Variants in APLP2 observed in about 807,000 individuals in gnomAD.
The protein encoded by APLP2 is CDEI box-binding protein.
Under a neutral mutation model 89.9 loss-of-function variants are expected in APLP2, and 53 were observed. That is an observed-to-expected ratio of 0.59 (90% CI 0.47 to 0.74). The LOEUF (loss-of-function observed/expected upper bound fraction) is 0.74. APLP2 is among the 30% of genes least tolerant of loss of function. The pLI is 0.00. For synonymous variants in APLP2, 372 were observed against 348.6 expected, an observed-to-expected ratio of 1.07 and a Z score of -0.75; for missense variants, 973 against 975.9, an observed-to-expected ratio of 1.00 and a Z score of 0.04.
chr11:130,080,390 A>T (rs1280882885), intron 1 of APLP2, among the ~76,000 whole-genome samples: 1 of 151,828 alleles, frequency 6.6e-6, no homozygotes, highest in Admixed American at 6.6e-5. Context: ...TTTTTAGTTG[A>T]GATGGGGTTT....
intron 1 of APLP2, among the ~76,000 whole-genome samples, chr11:130,073,827 A>G (rs80174337): frequency 0.11 from 17,063 of 152,278 alleles, 1,240 homozygotes; most frequent in East Asian, 0.25. Flanking sequence ...GCGAGACTCC[A>G]TCTCAAGAAA....
chr11:130,135,593 T>C lies in APLP2; in HGVS notation c.1715T>C (p.Met572Thr), dbSNP rs201180921. The C allele has an allele frequency of 1.1e-5, 18 of 1,614,174 alleles. No individual in the cohort carries two copies. Among genetic ancestry groups the C allele is most frequent in the East Asian group, 2.2e-5 (1 of 44,876 alleles). The part of the protein sequence containing the change: ...DELLQEQRAD[M>T]DQFTASISET... ...CTCCTTCAGGAGCAGCGTGCAGATA[T>C]GGACCAGTTCACTGCCTCAATCTCA... Residue 572 changes from methionine (M) to threonine (T), a missense_variant, in exon 13 of 17, where the codon ATG (methionine) becomes ACG (threonine). Transcript: ENST00000338167.
intron 1 of APLP2, among the ~76,000 whole-genome samples, chr11:130,081,099 A>C (rs1288892148): frequency 1.3e-5 from 2 of 152,214 alleles, no homozygotes; most frequent in African/African-American, 4.8e-5. Flanking sequence ...CAAAACAAAA[A>C]ACAAACCCCC....
At chr11:130,078,964 T>G (rs1942628445) in intron 1 of APLP2, among the ~76,000 whole-genome samples, 1 of 152,178 alleles carries the variant, frequency 6.6e-6, no homozygotes, top group South Asian at 2.1e-4. Flanking sequence ...TTGCCACATT[T>G]TACCAAAACA....
In APLP2 at chr11:130,142,011, C is replaced by T. The variant is rs762958267; in HGVS notation, c.2091C>T (p.Ile697=). The T allele has an allele frequency of 1.5e-5, 24 of 1,613,858 alleles. No individual in the cohort carries two copies. The highest frequency in any genetic ancestry group is 3.3e-5 in the Admixed American group (2 of 60,000). ...LVIAVAIATV[I]VISLVMLRKR... ...TCGCAGTGGCCATTGCCACGGTCATCGTCATCAGCCTGGTGATGCTGAGGA... is the reference window on the plus strand; with the variant it reads ...TCGCAGTGGCCATTGCCACGGTCATTGTCATCAGCCTGGTGATGCTGAGGA... The change falls in exon 16 of 17, where the codon ATC becomes ATT. Residue 697 remains isoleucine (I), a synonymous_variant. Transcript: ENST00000338167.
At chr11:130,130,666 A>G (rs1187486777) in intron 11 of APLP2, among the ~76,000 whole-genome samples, 4 of 152,220 alleles carry the variant, frequency 2.6e-5, no homozygotes, top group African/African-American at 4.8e-5. Flanking sequence ...CATAAAAATG[A>G]GCTTGCCTAC....
chr11:130,070,385 G>T (rs1189925028), intron 1 of APLP2, among the ~76,000 whole-genome samples: 5 of 151,378 alleles, frequency 3.3e-5, no homozygotes, highest in Non-Finnish European at 5.9e-5. Flanking sequence ...CCTCCTCCGG[G>T]GACCCAGTGC....
intron 1 of APLP2, among the ~76,000 whole-genome samples, chr11:130,088,841 A>T (rs1236668144): frequency 6.6e-6 from 1 of 151,886 alleles, no homozygotes; most frequent in Non-Finnish European, 1.5e-5. Flanking sequence ...CACATTGCAC[A>T]GTCTCCCCCA....
At chr11:130,095,173 G>C (rs1946031528) in intron 1 of APLP2, among the ~76,000 whole-genome samples, 1 of 152,166 alleles carries the variant, frequency 6.6e-6, no homozygotes, top group Non-Finnish European at 1.5e-5. Context: ...TGAGGCGGAA[G>C]GATTGCCTAA....
At chr11:130,080,730 T>G (rs1189077886) in intron 1 of APLP2, among the ~76,000 whole-genome samples, 1 of 148,692 alleles carries the variant, frequency 6.7e-6, no homozygotes, top group Non-Finnish European at 1.5e-5. Context: ...GGAGTCTTGC[T>G]TTGTTGCCCA....
At chr11:130,091,665 G>A (rs372246167) in intron 1 of APLP2, among the ~76,000 whole-genome samples, 7 of 122,888 alleles carry the variant, frequency 5.7e-5, no homozygotes, top group South Asian at 2.6e-4. Flanking sequence ...CAGTAGGGGC[G>A]GCCGGGCAGA....
Position 130,141,291 on chromosome 11 carries a change from A to G in APLP2, c.1924-207A>G. 3.5e-6 allele frequency: 2 copies of G among 569,486 alleles called. No individual in the cohort carries two copies. The highest frequency in any genetic ancestry group is 6.3e-6 in the Non-Finnish European group (2 of 318,936). The allele number at this position is 569,486 out of a possible 1,614,324, so 35.3% of individuals were successfully genotyped here. A position where few individuals can be genotyped will look rare whatever the true frequency, so the allele number is the denominator to read the frequency against. Reference sequence around the variant, plus strand: ...AAATGCATACGGGACCAGCTGCCATAATATAGTCTTCCCTCCATACCTGCC... The same window carrying G: ...AAATGCATACGGGACCAGCTGCCATGATATAGTCTTCCCTCCATACCTGCC... On this transcript the variant is annotated intron_variant, in intron 14 of 16. Coordinates refer to ENST00000338167, the MANE Select transcript of APLP2 (RefSeq NM_001142276.2). This position sits in a 1 kb window ranked among gnomAD's most constrained non-coding sequence, Gnocchi z 4.2.
intron 1 of APLP2, among the ~76,000 whole-genome samples, chr11:130,084,862 A>C (rs868838220): frequency 1.3e-5 from 2 of 152,206 alleles, no homozygotes; most frequent in African/African-American, 4.8e-5. Context: ...AATAGAAAAA[A>C]ATCAAAGAAA....
intron 1 of APLP2, among the ~76,000 whole-genome samples, chr11:130,077,620 A>C (rs888059693): frequency 6.6e-6 from 1 of 152,068 alleles, no homozygotes; most frequent in Admixed American, 6.5e-5. Flanking sequence ...CTTAAAAAAA[A>C]AAACAAAAAA....
chr11:130,091,763 G>A (rs866387863), intron 1 of APLP2, among the ~76,000 whole-genome samples: 14 of 147,924 alleles, frequency 9.5e-5, no homozygotes, highest in African/African-American at 7.6e-5. Context: ...CTGGCCAGGC[G>A]GGGGGCTGAA....
intron 2 of APLP2, among the ~76,000 whole-genome samples, chr11:130,110,011 A>T (rs753896818): frequency 1.3e-5 from 2 of 152,136 alleles, no homozygotes; most frequent in African/African-American, 4.8e-5. Flanking sequence ...ACTTGTATTT[A>T]TTTTTTCTGA....
chr11:130,106,975 C>G (rs1301943406), intron 1 of APLP2, among the ~76,000 whole-genome samples: 1 of 152,214 alleles, frequency 6.6e-6, no homozygotes, highest in Admixed American at 6.5e-5. Flanking sequence ...GTGTGAGCCA[C>G]CGCGCCCGGC....
In APLP2 at chr11:130,141,396, C is replaced by A; in HGVS notation, c.1924-102C>A. ...TTAATGGGGGTCCCACAGGTACCTGCTTCCTTCCATCAAGCAGCAGGTAGC... is the reference window on the plus strand; with the variant it reads ...TTAATGGGGGTCCCACAGGTACCTGATTCCTTCCATCAAGCAGCAGGTAGC... On this transcript the variant is annotated intron_variant, in intron 14 of 16. Transcript: ENST00000338167. The surrounding 1 kb of genome is among the most constrained non-coding windows in gnomAD (Gnocchi z 4.2). 1.0e-6 allele frequency: 1 copy of A among 967,138 alleles called. No homozygotes were observed. The allele number at this position is 967,138 out of a possible 1,614,324, so 59.9% of individuals were successfully genotyped here. A position where few individuals can be genotyped will look rare whatever the true frequency, so the allele number is the denominator to read the frequency against.
chr11:130,080,758 G>A (rs562614398), intron 1 of APLP2, among the ~76,000 whole-genome samples: 14 of 146,046 alleles, frequency 9.6e-5, no homozygotes, highest in African/African-American at 2.9e-4. Flanking sequence ...GTGCAGTGGC[G>A]TGATCTCGGC....
Sources: allele counts gnomAD v4.1 joint callset (sites outside exome capture counted in the v4.1 genomes callset), GRCh38; gene constraint gnomAD v4.1.1; non-coding constraint Gnocchi (gnomAD v3.1); transcripts MANE v1.5; gene names NCBI Gene and HGNC (gene_info 2026-07-23, HGNC 2026-07-21).